TRIO: variants seen among roughly 807,000 people sequenced by gnomAD.
The protein encoded by TRIO is trio Rho guanine nucleotide exchange factor.
In TRIO, 58 loss-of-function variants were observed where a neutral mutation model predicts 351.9. The ratio of observed to expected loss-of-function variants is 0.16; its 90% CI spans 0.13 to 0.21. The LOEUF is 0.21. TRIO is among the 10% of genes least tolerant of loss of function. TRIO has a pLI of 1.00. For missense variants in TRIO, 3,201 were observed against 4,027.8 expected (o/e 0.79, Z 5.56); for synonymous variants, 1,758 against 1,595.7 (o/e 1.10, Z -2.42).
intron 34 of TRIO, chr5:14,440,969 T>C (rs760268038): frequency 6.6e-6 from 1 of 152,130 alleles, no homozygotes; most frequent in African/African-American, 2.4e-5. Context: ...ATCCACCGCG[T>C]CTGGGTATTC....
At chr5:14,356,987 G>A (rs1176727022) in intron 11 of TRIO, among the ~76,000 whole-genome samples, 2 of 152,246 alleles carry the variant, frequency 1.3e-5, no homozygotes, top group Non-Finnish European at 2.9e-5. Context: ...GAGGGCATCA[G>A]CCAGCTTTGA....
chr5:14,305,357 C>T (rs761197513), intron 8 of TRIO, among the ~76,000 whole-genome samples: 36 of 152,316 alleles, frequency 2.4e-4, no homozygotes, highest in Non-Finnish European at 4.6e-4. Context: ...GTTCCTCTGG[C>T]CCTTGAGACC....
chr5:14,333,889 C>G (rs1561353868), intron 10 of TRIO, among the ~76,000 whole-genome samples: 1 of 152,198 alleles, frequency 6.6e-6, no homozygotes, highest in African/African-American at 2.4e-5. Flanking sequence ...GAAAACGGCT[C>G]TAGCATGAGA....
chr5:14,165,523 G>C (rs962920385), intron 1 of TRIO, among the ~76,000 whole-genome samples: 1 of 152,126 alleles, frequency 6.6e-6, no homozygotes, highest in East Asian at 1.9e-4. Context: ...GCGGGCACGT[G>C]GGTTGACTTC....
At chr5:14,415,158 A>C (rs1047140631) in intron 33 of TRIO, among the ~76,000 whole-genome samples, 3 of 152,098 alleles carry the variant, frequency 2.0e-5, no homozygotes, top group African/African-American at 7.2e-5. Flanking sequence ...TCTTTAGGGG[A>C]AAATGGCTTT....
chr5:14,239,555 C>G (rs1794002443), intron 1 of TRIO, among the ~76,000 whole-genome samples: 1 of 152,148 alleles, frequency 6.6e-6, no homozygotes, highest in African/African-American at 2.4e-5. Context: ...CTGTTTGATC[C>G]TCGCTGACCT....
intron 1 of TRIO, among the ~76,000 whole-genome samples, chr5:14,248,619 C>T (rs1417301934): frequency 1.3e-5 from 2 of 152,210 alleles, no homozygotes; most frequent in African/African-American, 4.8e-5. Flanking sequence ...CCCTTGCAAG[C>T]GCCGTCCACA....
intron 10 of TRIO, among the ~76,000 whole-genome samples, chr5:14,333,182 C>T (rs1231519660): frequency 6.6e-6 from 1 of 152,170 alleles, no homozygotes; most frequent in Non-Finnish European, 1.5e-5. Flanking sequence ...CTCCCACTCC[C>T]ACACTACACA....
At chr5:14,499,286 C>A (rs27479) in intron 53 of TRIO, 18,885 of 152,474 alleles carry the variant, frequency 0.12, 1,247 homozygotes, top group Admixed American at 0.2. Flanking sequence ...GTTCTTTCTC[C>A]TCAGCTAAAC....
At chr5:14,158,048 C>T (rs1160529477) in intron 1 of TRIO, among the ~76,000 whole-genome samples, 4 of 151,700 alleles carry the variant, frequency 2.6e-5, no homozygotes. Context: ...TCTAGCAACC[C>T]TTTCTATGAT....
chr5:14,348,512 C>T (rs909160114), intron 11 of TRIO, among the ~76,000 whole-genome samples: 5 of 152,250 alleles, frequency 3.3e-5, no homozygotes, highest in African/African-American at 9.6e-5. Flanking sequence ...TGCACATGCA[C>T]GTGAGGATGT....
At chr5:14,464,056 G>A (rs2126514480) in intron 36 of TRIO, among the ~76,000 whole-genome samples, 1 of 152,160 alleles carries the variant, frequency 6.6e-6, no homozygotes, top group East Asian at 1.9e-4. Context: ...GTGCATCTGA[G>A]GTTCAGGCTC....
intron 33 of TRIO, among the ~76,000 whole-genome samples, chr5:14,411,808 T>C (rs1749227577): frequency 6.6e-6 from 1 of 151,864 alleles, no homozygotes; most frequent in Admixed American, 6.6e-5. Flanking sequence ...TATCGAACTG[T>C]GTTTCCCAGG....
chr5:14,348,687 G>A (rs1046873255), intron 11 of TRIO, among the ~76,000 whole-genome samples: 1 of 144,352 alleles, frequency 6.9e-6, no homozygotes, highest in Non-Finnish European at 1.5e-5. Flanking sequence ...ACGCACATGA[G>A]CATGTTTTTC....
chr5:14,433,710 C>G (rs1482006523), intron 34 of TRIO, among the ~76,000 whole-genome samples: 2 of 152,266 alleles, frequency 1.3e-5, no homozygotes, highest in Non-Finnish European at 2.9e-5. Context: ...CAGTATTAAT[C>G]AAGTCTCAGA....
At chr5:14,371,475 A>G (rs998510580) in intron 18 of TRIO, among the ~76,000 whole-genome samples, 2 of 152,310 alleles carry the variant, frequency 1.3e-5, no homozygotes, top group South Asian at 2.1e-4. Context: ...CCTTCAGTGG[A>G]TTATTTAAAA....
chr5:14,281,396 A>T (rs887811659), intron 3 of TRIO, among the ~76,000 whole-genome samples: 1 of 148,682 alleles, frequency 6.7e-6, no homozygotes, highest in African/African-American at 2.5e-5. Context: ...AGGGGACAGC[A>T]CTAGGGAGAT....
At chr5:14,295,436 C>T (rs1428970998) in intron 6 of TRIO, among the ~76,000 whole-genome samples, 3 of 152,148 alleles carry the variant, frequency 2.0e-5, no homozygotes, top group Non-Finnish European at 4.4e-5. Context: ...ATGGAAAAAG[C>T]ATCATACATA....
In TRIO at chr5:14,290,829, T is replaced by G. The variant is rs1181963178; in HGVS notation, c.654T>G (p.Val218=). 6.2e-7 allele frequency: 1 copy of G among 1,614,042 alleles called. No homozygotes were observed. Among genetic ancestry groups the G allele is most frequent in the Non-Finnish European group, 8.5e-7 (1 of 1,180,030 alleles). ...YNHEEWIEIR[V]AFEDYISNAT... ...ACGAAGAATGGATTGAAATCAGAGT[T>G]GCTTTTGAAGACTACATTAGCAATG... Residue 218 remains valine, a synonymous_variant, in exon 5 of 57, where the codon GTT becomes GTG. Coordinates refer to ENST00000344204, the MANE Select transcript of TRIO (RefSeq NM_007118.4).
Sources: gnomAD v4.1 joint callset for allele counts (sites outside exome capture counted in the v4.1 genomes callset) on GRCh38, gnomAD v4.1.1 for gene constraint, MANE v1.5 for transcripts, NCBI Gene and HGNC (gene_info 2026-07-23, HGNC 2026-07-21) for gene names.